POLD3: variants seen among roughly 807,000 people sequenced by gnomAD.
POLD3 encodes the protein DNA polymerase delta subunit 3.
In POLD3, 19 loss-of-function variants were observed where a neutral mutation model predicts 58.2. That is an observed-to-expected ratio of 0.33 (90% CI 0.23 to 0.48). The LOEUF (loss-of-function observed/expected upper bound fraction) is 0.48. Among genes scored for constraint, POLD3 ranks in the 20% least tolerant of loss-of-function variants. POLD3 has a pLI of 0.99. For synonymous variants in POLD3, 172 were observed against 193.5 expected (o/e 0.89, Z 0.92); for missense variants, 504 against 545.5 (o/e 0.92, Z 0.76).
intron 2 of POLD3, among the ~76,000 whole-genome samples, chr11:74,599,993 T>C (rs1300900596): frequency 6.6e-6 from 1 of 151,620 alleles, no homozygotes; most frequent in Admixed American, 6.6e-5. Context: ...TTGCCCAGGC[T>C]GGAGTACAAT....
intron 11 of POLD3, among the ~76,000 whole-genome samples, chr11:74,639,496 T>C (rs2032849532): frequency 6.6e-6 from 1 of 152,262 alleles, no homozygotes; most frequent in Non-Finnish European, 1.5e-5. Context: ...GAACAAGCTC[T>C]TTTCCTTCAA....
intron 11 of POLD3, among the ~76,000 whole-genome samples, chr11:74,640,102 T>C (rs1176473092): frequency 6.6e-6 from 1 of 151,992 alleles, no homozygotes; most frequent in Admixed American, 6.6e-5. Context: ...GGCAGGCAAA[T>C]AGGCCAGCAG....
chr11:74,630,049 A>G (rs1000731750), intron 9 of POLD3, among the ~76,000 whole-genome samples: 2 of 152,236 alleles, frequency 1.3e-5, no homozygotes, highest in African/African-American at 2.4e-5. Context: ...TTCATGGCAT[A>G]ATGGGTATAA....
At chr11:74,636,613 C>T (rs1032264060) in intron 11 of POLD3, among the ~76,000 whole-genome samples, 2 of 152,022 alleles carry the variant, frequency 1.3e-5, no homozygotes, top group African/African-American at 4.8e-5. Context: ...TATCCAAAAA[C>T]AAGATGGAAA....
At chr11:74,649,731 C>T (rs537257945) in intron 4 of POLD3, among the ~76,000 whole-genome samples, 3 of 152,208 alleles carry the variant, frequency 2.0e-5, no homozygotes, top group East Asian at 1.9e-4. Context: ...TTTTTGGCCA[C>T]GTGCGGTGGT....
rs149159755 is a variant in POLD3, at chr11:74,621,071, C to T, written c.733+982C>T. Reference sequence around the variant, plus strand: ...GAAAATGTGATACTTAAAGGTTACTCGGAAGCATTATTGTATTACTGCAGG... The same window carrying T: ...GAAAATGTGATACTTAAAGGTTACTTGGAAGCATTATTGTATTACTGCAGG... On this transcript the variant is annotated intron_variant, in intron 7 of 11. Transcript: ENST00000263681. 3.4e-3 allele frequency among the ~76,000 whole-genome samples: 517 copies of T among 152,126 alleles called. 3 individuals carry two copies. The highest frequency in any genetic ancestry group is 0.012 in the African/African-American group (486 of 41,510).
intron 7 of POLD3, among the ~76,000 whole-genome samples, chr11:74,625,009 T>A (rs1382345614): frequency 6.6e-6 from 1 of 152,182 alleles, no homozygotes; most frequent in Non-Finnish European, 1.5e-5. Flanking sequence ...CATTAAAAGA[T>A]AGAATATATA....
At chr11:74,605,536 C>T (rs972554141) in intron 3 of POLD3, among the ~76,000 whole-genome samples, 1 of 152,176 alleles carries the variant, frequency 6.6e-6, no homozygotes, top group Non-Finnish European at 1.5e-5. Flanking sequence ...AATTCCCCCT[C>T]TCTGGCGTCC....
At chr11:74,605,005 T>A (rs2031628308) in intron 3 of POLD3, among the ~76,000 whole-genome samples, 1 of 152,244 alleles carries the variant, frequency 6.6e-6, no homozygotes, top group African/African-American at 2.4e-5. Flanking sequence ...GACTGTATCA[T>A]TATTATGCAA....
At chr11:74,656,491 T>G (rs964749150) in intron 4 of POLD3, among the ~76,000 whole-genome samples, 1 of 151,786 alleles carries the variant, frequency 6.6e-6, no homozygotes, top group Non-Finnish European at 1.5e-5. Context: ...GGAGGCTGAG[T>G]CAGGAGAATC....
At chr11:74,634,527 C>A in intron 9 of POLD3, 56 bp from the exon 10 acceptor site, 1 of 949,898 alleles carries the variant, frequency 1.1e-6, no homozygotes, top group Non-Finnish European at 1.7e-6. Context: ...ATGGAGAAGG[C>A]TTTATACCAG....
At chr11:74,649,873 C>T (rs1196381065) in intron 4 of POLD3, among the ~76,000 whole-genome samples, 1 of 152,122 alleles carries the variant, frequency 6.6e-6, no homozygotes, top group East Asian at 1.9e-4. Context: ...GAGATACTTA[C>T]ATTTTGGAAA....
chr11:74,619,359 G>A (rs185267310), intron 6 of POLD3, among the ~76,000 whole-genome samples: 1 of 149,228 alleles, frequency 6.7e-6, no homozygotes, highest in East Asian at 1.9e-4. Context: ...CATAATTATT[G>A]TTGTTACTAT....
rs767615156 is a variant in POLD3, at chr11:74,612,907, A to T, written c.289A>T (p.Ser97Cys). ...AVKSKLAVTA[S>C]IHVYSIQKAM... ...GAAGTCCAAGCTAGCTGTGACTGCC[A>T]GCATCCATGTGTACAGCATCCAGAA... The change falls in exon 5 of 12, where the codon AGC becomes TGC. Residue 97 changes from serine (S) to cysteine (C), a missense_variant. By Grantham distance (112) the Ser-to-Cys change is moderately radical. This residue lies in a region of POLD3 where 119 missense variants were observed against 175.0 expected (regional missense o/e 0.68). Coordinates refer to ENST00000263681, the MANE Select transcript of POLD3 (RefSeq NM_006591.3). The T allele has an allele frequency of 6.2e-7, 1 of 1,613,420 alleles. No homozygotes were observed. Among genetic ancestry groups the T allele is most frequent in the Non-Finnish European group, 8.5e-7 (1 of 1,179,574 alleles).
intron 7 of POLD3, among the ~76,000 whole-genome samples, chr11:74,621,813 T>A (rs1408082973): frequency 6.6e-6 from 1 of 152,072 alleles, no homozygotes; most frequent in Admixed American, 6.6e-5. Flanking sequence ...GCCCATGAAT[T>A]CAAATCCAGC....
chr11:74,647,748 A>G (rs2033018227), downstream of POLD3, among the ~76,000 whole-genome samples: 6 of 152,226 alleles, frequency 3.9e-5, no homozygotes, highest in South Asian at 1.2e-3. Context: ...TGTACATTTC[A>G]CAGATTTTTG....
At chr11:74,613,477 G>C (rs1246199089) in intron 5 of POLD3, among the ~76,000 whole-genome samples, 1 of 151,956 alleles carries the variant, frequency 6.6e-6, no homozygotes, top group Non-Finnish European at 1.5e-5. Context: ...GGAGGTAACG[G>C]ACTATAATGC....
intron 7 of POLD3, among the ~76,000 whole-genome samples, chr11:74,620,912 G>A (rs1465709684): frequency 7.0e-6 from 1 of 142,420 alleles, no homozygotes; most frequent in Non-Finnish European, 1.5e-5. Flanking sequence ...GTCACGGGAG[G>A]GATTGAAGTG....
chr11:74,611,635 G>T (rs546813842), intron 4 of POLD3, 97 bp downstream of exon 4: 91 of 687,102 alleles, frequency 1.3e-4, no homozygotes, highest in Middle Eastern at 2.7e-4. Context: ...AATATATTTA[G>T]CTATTTAACT....
Sources: allele counts gnomAD v4.1 joint callset (sites outside exome capture counted in the v4.1 genomes callset), GRCh38; gene constraint gnomAD v4.1.1; regional missense constraint gnomAD v4.1.1; transcripts MANE v1.5; gene names NCBI Gene and HGNC (gene_info 2026-07-23, HGNC 2026-07-21).